Variants in PLCL1 observed in about 807,000 individuals in gnomAD.
PLCL1 encodes the protein inactive phospholipase C-like protein 1.
Under a neutral mutation model 84.4 loss-of-function variants are expected in PLCL1, and 41 were observed. That is an observed-to-expected ratio of 0.49 (90% confidence interval 0.38 to 0.63). PLCL1 has a LOEUF of 0.63. Among genes scored for constraint, PLCL1 ranks in the 30% least tolerant of loss-of-function variants. PLCL1 has a pLI of 0.00. For missense variants in PLCL1, 1,206 were observed against 1,367.8 expected (o/e 0.88, Z 1.87); for synonymous variants, 490 against 488.3 (o/e 1.00, Z -0.05).
chr2:197,815,501 C>A (rs140217991), intron 1 of PLCL1, among the ~76,000 whole-genome samples: 1 of 152,126 alleles, frequency 6.6e-6, no homozygotes, highest in Non-Finnish European at 1.5e-5. Flanking sequence ...ATCCATTCTG[C>A]AGCCTATGGA....
At chr2:197,973,031 G>A (rs1259575983) in intron 1 of PLCL1, among the ~76,000 whole-genome samples, 1 of 152,196 alleles carries the variant, frequency 6.6e-6, no homozygotes, top group African/African-American at 2.4e-5. Context: ...CCCCTGGCAA[G>A]GATAAACTAC....
chr2:197,962,539 C>T (rs1457657022), intron 1 of PLCL1, among the ~76,000 whole-genome samples: 1 of 152,036 alleles, frequency 6.6e-6, no homozygotes, highest in African/African-American at 2.4e-5. Flanking sequence ...CTAATAATCA[C>T]ATCAGGGTAA....
chr2:197,972,431 C>T (rs533166507), intron 1 of PLCL1, among the ~76,000 whole-genome samples: 1 of 152,128 alleles, frequency 6.6e-6, no homozygotes, highest in Non-Finnish European at 1.5e-5. Context: ...AGAGATGCGA[C>T]CTTGTTGAGT....
intron 1 of PLCL1, among the ~76,000 whole-genome samples, chr2:197,970,920 C>T (rs1419088783): frequency 1.3e-5 from 2 of 152,134 alleles, no homozygotes; most frequent in Non-Finnish European, 2.9e-5. Context: ...CTTGTAATTC[C>T]GTTAGCTAAA....
At chr2:197,892,715 C>T (rs905680487) in intron 1 of PLCL1, among the ~76,000 whole-genome samples, 1 of 152,034 alleles carries the variant, frequency 6.6e-6, no homozygotes, top group African/African-American at 2.4e-5. Context: ...TGTTTTTGGA[C>T]CAGGTATGGT....
chr2:198,020,054 G>T (rs1180685896), intron 1 of PLCL1, among the ~76,000 whole-genome samples: 1 of 152,188 alleles, frequency 6.6e-6, no homozygotes, highest in African/African-American at 2.4e-5. Flanking sequence ...CAGAAACCCT[G>T]CAAGCCAGAA....
At chr2:197,821,268 CT>C (rs532233652) in intron 1 of PLCL1, among the ~76,000 whole-genome samples, 29 of 152,152 alleles carry the variant, frequency 1.9e-4, no homozygotes, top group Admixed American at 1.4e-3. Context: ...CTATAAAAAT[CT>C]TTTTTAAAGG....
At chr2:198,001,671 G>T (rs1452576381) in intron 1 of PLCL1, among the ~76,000 whole-genome samples, 1 of 152,046 alleles carries the variant, frequency 6.6e-6, no homozygotes, top group Admixed American at 6.6e-5. Flanking sequence ...CTAGAGCAGG[G>T]GTTCCCAAAC....
intron 1 of PLCL1, among the ~76,000 whole-genome samples, chr2:197,915,541 T>G (rs889699053): frequency 1.3e-5 from 2 of 151,310 alleles, no homozygotes; most frequent in African/African-American, 4.9e-5. Flanking sequence ...TTTTTTGAAG[T>G]CCGATGGCAG....
intron 1 of PLCL1, among the ~76,000 whole-genome samples, chr2:197,850,063 C>CACACACAT (rs1358742684): frequency 8.6e-5 from 13 of 151,608 alleles, no homozygotes; most frequent in African/African-American, 2.9e-4. Flanking sequence ...CACACACACA[C>CACACACAT]ACACACACAC....
chr2:198,036,696 A>G (rs926894828), intron 1 of PLCL1, among the ~76,000 whole-genome samples: 1 of 152,194 alleles, frequency 6.6e-6, no homozygotes, highest in African/African-American at 2.4e-5. Flanking sequence ...AAGAGGTTTG[A>G]GCTGAGTCAG....
chr2:198,099,141 A>T (rs1693270057), intron 3 of PLCL1, among the ~76,000 whole-genome samples: 1 of 152,172 alleles, frequency 6.6e-6, no homozygotes. Flanking sequence ...CCACTGCCAG[A>T]TTCTATCGAC....
intron 5 of PLCL1, among the ~76,000 whole-genome samples, chr2:198,126,581 C>T (rs1225448222): frequency 6.6e-6 from 1 of 152,046 alleles, no homozygotes; most frequent in East Asian, 1.9e-4. Context: ...TAGGTGCTCA[C>T]ATTCATTTCA....
intron 1 of PLCL1, among the ~76,000 whole-genome samples, chr2:198,025,516 T>C (rs1266621003): frequency 6.6e-6 from 1 of 152,154 alleles, no homozygotes; most frequent in Non-Finnish European, 1.5e-5. Flanking sequence ...GGTTGTCATA[T>C]CATGCTTTAA....
chr2:198,124,395 T>C (rs1222625938), intron 5 of PLCL1, among the ~76,000 whole-genome samples: 1 of 152,144 alleles, frequency 6.6e-6, no homozygotes, highest in Non-Finnish European at 1.5e-5. Flanking sequence ...GATAATTTTC[T>C]CCAGAAAAGT....
rs528145163 is a variant in PLCL1, at chr2:198,137,290, C to A, written c.3106-9490C>A. Among the ~76,000 whole-genome samples, 5 of 152,192 alleles carry A rather than the reference C, an allele frequency of 3.3e-5. No individual in the cohort carries two copies. In the East Asian group the frequency reaches 7.7e-4, roughly 24 times the overall value. ...TAGCTTTCCTGTGTCCATTTATTCA[C>A]CTGAAGGTTATAAAAGGAGTCCTTC... On this transcript the variant is annotated intron_variant, in intron 5 of 5. Coordinates refer to ENST00000428675, the MANE Select transcript of PLCL1 (RefSeq NM_006226.4).
At chr2:198,007,805 C>G (rs1329936655) in intron 1 of PLCL1, among the ~76,000 whole-genome samples, 1 of 151,994 alleles carries the variant, frequency 6.6e-6, no homozygotes, top group Admixed American at 6.6e-5. Flanking sequence ...TAATTTACAC[C>G]CTGACTGTCT....
chr2:197,979,746 A>G (rs567449898), intron 1 of PLCL1, among the ~76,000 whole-genome samples: 118 of 152,140 alleles, frequency 7.8e-4, no homozygotes, highest in Non-Finnish European at 1.5e-3. Context: ...TACTCCCAGA[A>G]AGACCCATGT....
intron 1 of PLCL1, among the ~76,000 whole-genome samples, chr2:198,018,274 G>T (rs761177074): frequency 6.6e-6 from 1 of 152,130 alleles, no homozygotes; most frequent in Non-Finnish European, 1.5e-5. Flanking sequence ...CACCACAAAG[G>T]CCCTGGGTTT....
Sources: allele counts gnomAD v4.1 joint callset (sites outside exome capture counted in the v4.1 genomes callset), GRCh38; gene constraint gnomAD v4.1.1; transcripts MANE v1.5; gene names NCBI Gene and HGNC (gene_info 2026-07-23, HGNC 2026-07-21).